Variants in CHID1 observed in about 807,000 individuals in gnomAD.
The protein encoded by CHID1 is chitinase domain containing 1, also known as chitinase domain-containing protein 1.
A neutral mutation model predicts 55.4 loss-of-function variants in CHID1; 44 were observed. That is an observed-to-expected ratio of 0.79 (90% CI 0.62 to 1.02). The LOEUF is 1.02. CHID1 is among the 50% of genes least tolerant of loss of function. CHID1 has a pLI of 0.00. For synonymous variants in CHID1, 216 were observed against 212.9 expected, an observed-to-expected ratio of 1.01 and a Z score of -0.13; for missense variants, 491 against 515.3, an observed-to-expected ratio of 0.95 and a Z score of 0.46.
intron 2 of CHID1, among the ~76,000 whole-genome samples, 153 bp from the exon 3 acceptor site, chr11:903,264 G>A (rs1473683554): frequency 6.6e-6 from 1 of 152,172 alleles, no homozygotes; most frequent in Non-Finnish European, 1.5e-5. Flanking sequence ...GTTGAGGATC[G>A]AGGCCACAGC....
chr11:896,173 C>T (rs1236740736), intron 7 of CHID1, among the ~76,000 whole-genome samples: 1 of 147,660 alleles, frequency 6.8e-6, no homozygotes, highest in Non-Finnish European at 1.5e-5. Context: ...AGCCTCCACC[C>T]CAGACACAAC....
chr11:897,272 G>A (rs1037925943), intron 7 of CHID1, among the ~76,000 whole-genome samples: 1 of 152,040 alleles, frequency 6.6e-6, no homozygotes, highest in South Asian at 2.1e-4. Flanking sequence ...ACACGAGGCT[G>A]TCTCAGCACC....
In CHID1 at chr11:890,972, G is replaced by A. The variant is rs570441907; in HGVS notation, c.701+2455C>T. Among the ~76,000 whole-genome samples the A allele has an allele frequency of 6.6e-5, 10 of 152,318 alleles. No individual in the cohort carries two copies. The East Asian group carries it at 1.9e-3, about 29-fold the overall frequency. ...GTGCCCCTGGAGAGAGCGAGCCTGTGTGCTGGCAGCGCTGCTCTTGGGAGG... is the reference window on the plus strand; with the variant it reads ...GTGCCCCTGGAGAGAGCGAGCCTGTATGCTGGCAGCGCTGCTCTTGGGAGG... On this transcript the variant is annotated intron_variant, in intron 8 of 12. Coordinates refer to ENST00000323578, the MANE Select transcript of CHID1 (RefSeq NM_023947.4).
At chr11:883,937 TCAG>T in intron 9 of CHID1, 128 bp downstream of exon 9, 1 of 723,038 alleles carries the variant, frequency 1.4e-6, no homozygotes, top group Non-Finnish European at 2.4e-6. Context: ...GTGTCCAGAC[TCAG>T]CAGGTGACCT....
In CHID1 at chr11:883,186, C is replaced by T. The variant is rs768055754; in HGVS notation, c.921G>A (p.Ala307=). 9.9e-6 allele frequency: 16 copies of T among 1,613,828 alleles called. No individual in the cohort carries two copies. The highest frequency in any genetic ancestry group is 5.3e-5 in the African/African-American group (4 of 74,942). ...CAGGCTCACGGGCATCCTTGGAGGT[C>T]GCGTAGTCCATACCATAGAAGTTGA... ...LGLNFYGMDY[A]TSKDAREPVV... Residue 307 remains alanine, a synonymous_variant, in exon 10 of 13, where the codon GCG becomes GCA. Transcript: ENST00000323578.
rs1851937156 is a variant in CHID1, at chr11:903,006, G to A, written c.217C>T (p.Arg73Trp). The change falls in exon 3 of 13, where the codon CGG becomes TGG. Residue 73 changes from arginine to tryptophan, a missense_variant. Coordinates refer to ENST00000323578, the MANE Select transcript of CHID1 (RefSeq NM_023947.4). ...EHRSYCSAKA[R>W]DRHFAGDVLG... Reference sequence around the variant, plus strand: ...ACATCCCCAGCAAAGTGTCTGTCCCGGGCCTTTGCCGAGCAGTAGCTGCGA... The same window carrying A: ...ACATCCCCAGCAAAGTGTCTGTCCCAGGCCTTTGCCGAGCAGTAGCTGCGA... 4.3e-6 allele frequency: 7 copies of A among 1,614,006 alleles called. No homozygotes were observed. The highest frequency in any genetic ancestry group is 4.5e-5 in the East Asian group (2 of 44,896).
chr11:875,050 C>G lies in CHID1; in HGVS notation c.960-4551G>C, dbSNP rs987048160. On this transcript the variant is annotated intron_variant, in intron 10 of 12. Transcript: ENST00000323578. This position sits in a 1 kb window ranked among gnomAD's most constrained non-coding sequence, Gnocchi z 4.7. ...CGGGTCCAAGGGAGTGGAGCTGCTTCTGGCTGGTGGGAGGAGGGGCTTGCA... is the reference window on the plus strand; with the variant it reads ...CGGGTCCAAGGGAGTGGAGCTGCTTGTGGCTGGTGGGAGGAGGGGCTTGCA... The G allele has an allele frequency of 2.6e-5, 4 of 153,090 alleles. No individual in the cohort carries two copies. Among genetic ancestry groups the G allele is most frequent in the African/African-American group, 9.6e-5 (4 of 41,480 alleles). 9.5% of individuals were successfully genotyped at this position (153,090 alleles called of 1,614,324 possible). A position where few individuals can be genotyped will look rare whatever the true frequency, so the allele number is the denominator to read the frequency against.
chr11:899,360 C>G lies in CHID1; in HGVS notation c.588G>C (p.Gln196His). 3 of 1,604,638 alleles carry G rather than the reference C, an allele frequency of 1.9e-6. No homozygotes were observed. The highest frequency in any genetic ancestry group is 2.6e-6 in the Non-Finnish European group (3 of 1,175,562). The change falls in exon 7 of 13, where the codon CAG (glutamine) becomes CAC (histidine). Residue 196 changes from glutamine (Q) to histidine (H), a missense_variant. Physicochemically the swap from Gln to His is conservative, Grantham distance 24. Coordinates refer to ENST00000323578, the MANE Select transcript of CHID1 (RefSeq NM_023947.4). Reference sequence around the variant, plus strand: ...CTCACACGCGCTTCTGGCTTAGCAGCTGGTTCCAGACCTCCACCACGAAGC... The same window carrying G: ...CTCACACGCGCTTCTGGCTTAGCAGGTGGTTCCAGACCTCCACCACGAAGC... ...FDGFVVEVWNQLLSQKRVGLI... is the reference protein window; with the variant it reads ...FDGFVVEVWNHLLSQKRVGLI...
At chr11:910,603 T>C in intron 1 of CHID1, 172 bp downstream of exon 1, 1 of 1,238,956 alleles carries the variant, frequency 8.1e-7, no homozygotes, top group Non-Finnish European at 1.0e-6. Context: ...TCACACCCTC[T>C]CACACGCCCC....
chr11:876,110 G>A (rs1849499011), intron 10 of CHID1, among the ~76,000 whole-genome samples: 1 of 152,190 alleles, frequency 6.6e-6, no homozygotes, highest in African/African-American at 2.4e-5. Flanking sequence ...GGTGAGGAGA[G>A]GCGTCTGAGC....
At chr11:878,132 G>C (rs1298724300) in intron 10 of CHID1, among the ~76,000 whole-genome samples, 2 of 152,232 alleles carry the variant, frequency 1.3e-5, no homozygotes, top group Non-Finnish European at 2.9e-5. Flanking sequence ...ATAAACTCCT[G>C]TCTGGGTGCA....
intron 1 of CHID1, among the ~76,000 whole-genome samples, chr11:906,363 C>T (rs1345397031): frequency 6.6e-6 from 1 of 152,036 alleles, no homozygotes; most frequent in Non-Finnish European, 1.5e-5. Context: ...CTCAGCCTCC[C>T]GAGTAGCTGG....
intron 4 of CHID1, among the ~76,000 whole-genome samples, chr11:901,721 AC>A (rs1294713109): frequency 6.6e-6 from 1 of 152,116 alleles, no homozygotes; most frequent in African/African-American, 2.4e-5. Context: ...CCTCACAGCC[AC>A]CTGGACCACA....
chr11:903,814 C>T (rs1238400660), intron 2 of CHID1: 11 of 193,684 alleles, frequency 5.7e-5, no homozygotes, highest in African/African-American at 1.7e-4. Flanking sequence ...GCCAGGCACA[C>T]GCCACCATGC....
chr11:893,521 T>G lies in CHID1; in HGVS notation c.609-2A>C. 1 of 1,547,062 alleles carries G rather than the reference T, an allele frequency of 6.5e-7. No homozygotes were observed. Reference sequence around the variant, plus strand: ...TGGGTGAGCATGTGGATGAGGCCCCTGCAAGAACCGAGAGATGGGGTCAGC... The same window carrying G: ...TGGGTGAGCATGTGGATGAGGCCCCGGCAAGAACCGAGAGATGGGGTCAGC... On this transcript the variant is annotated splice_acceptor_variant, in intron 7 of 12. Coordinates refer to ENST00000323578, the MANE Select transcript of CHID1 (RefSeq NM_023947.4). LOFTEE classifies it high-confidence loss of function.
intron 10 of CHID1, among the ~76,000 whole-genome samples, chr11:873,364 C>T (rs1052403423): frequency 1.3e-5 from 2 of 152,044 alleles, no homozygotes; most frequent in African/African-American, 4.8e-5. Context: ...TTGTAAGACC[C>T]CAAGGAGCAT....
intron 8 of CHID1, among the ~76,000 whole-genome samples, chr11:885,789 C>T (rs953132466): frequency 3.3e-5 from 5 of 152,166 alleles, no homozygotes; most frequent in African/African-American, 9.7e-5. Flanking sequence ...TGCAGCGGCA[C>T]GATCCTATCT....
chr11:870,280 A>C, intron 11 of CHID1, 117 bp from the exon 12 acceptor site: 1 of 1,446,596 alleles, frequency 6.9e-7, no homozygotes, highest in Middle Eastern at 1.7e-4. Flanking sequence ...CCTGCTGTCC[A>C]GCTGTGCTCC....
chr11:892,251 C>A (rs527959871), intron 8 of CHID1, among the ~76,000 whole-genome samples: 1 of 152,228 alleles, frequency 6.6e-6, no homozygotes, highest in Non-Finnish European at 1.5e-5. Flanking sequence ...GCAGAACTGC[C>A]GAGGCACAGC....
Sources: gnomAD v4.1 joint callset for allele counts (sites outside exome capture counted in the v4.1 genomes callset) on GRCh38, gnomAD v4.1.1 for gene constraint, Gnocchi (gnomAD v3.1) non-coding constraint, MANE v1.5 for transcripts, NCBI Gene and HGNC (gene_info 2026-07-23, HGNC 2026-07-21) for gene names.